Variants in RPF1 observed in about 807,000 individuals in gnomAD.
RPF1 encodes ribosome production factor 1 homolog.
In RPF1, 34 loss-of-function variants were observed where a neutral mutation model predicts 41.9. That is an observed-to-expected ratio of 0.81 (90% CI 0.62 to 1.08). The LOEUF (loss-of-function observed/expected upper bound fraction) is 1.08. Ranked by LOEUF, RPF1 falls within the 50% of genes least tolerant of loss-of-function variation. RPF1 has a pLI of 0.00. For missense variants in RPF1, 425 were observed against 435.2 expected (o/e 0.98, Z 0.21); for synonymous variants, 140 against 148.9 (o/e 0.94, Z 0.43).
In RPF1 at chr1:84,482,903, T is replaced by C; in HGVS notation, c.286-12T>C. On this transcript the variant is annotated splice_polypyrimidine_tract_variant and intron_variant, in intron 2 of 8. Coordinates refer to ENST00000370654, the MANE Select transcript of RPF1 (RefSeq NM_025065.7). ...AATCCTTCTAAAATGTAATCCCTTC[T>C]CTTTTACTTAGGCTCCACCAAAGCC... is the stretch of plus-strand genomic sequence containing the variant. 10 of 1,565,514 alleles carry C rather than the reference T, an allele frequency of 6.4e-6. No individual in the cohort carries two copies. The highest frequency in any genetic ancestry group is 8.8e-6 in the Non-Finnish European group (10 of 1,139,558).
rs1681980676 is a variant in RPF1, at chr1:84,498,223, T to C, written c.*753T>C. 1 of 152,558 alleles carries C rather than the reference T, an allele frequency of 6.6e-6. No homozygotes were observed. 9.5% of individuals were successfully genotyped at this position (152,558 alleles called of 1,614,324 possible). On this transcript the variant is annotated 3_prime_UTR_variant, in exon 9 of 9. Transcript: ENST00000370654. Reference sequence around the variant, plus strand: ...TTGCCAGATGTATGGCATAAAGTCATGTGAGAAGAGTAGGTGGAAAAAACT... The same window carrying C: ...TTGCCAGATGTATGGCATAAAGTCACGTGAGAAGAGTAGGTGGAAAAAACT...
chr1:84,489,689 T>A lies in RPF1; in HGVS notation c.423T>A (p.Ser141=). 6.2e-7 allele frequency: 1 copy of A among 1,608,980 alleles called. No homozygotes were observed. ...CTTCTTACTTCAACAAACAGACTTCTCCCAAGATTCTCATCACAACATCAG... is the reference window on the plus strand; with the variant it reads ...CTTCTTACTTCAACAAACAGACTTCACCCAAGATTCTCATCACAACATCAG... ...EFASYFNKQT[S]PKILITTSDR... is the part of the protein sequence containing the mutation. The change falls in exon 4 of 9, where the codon TCT becomes TCA. Residue 141 remains serine, a synonymous_variant. Coordinates refer to ENST00000370654, the MANE Select transcript of RPF1 (RefSeq NM_025065.7).
At chr1:84,496,401 C>T (rs902740479) in intron 8 of RPF1, 31 bp downstream of exon 8, 1 of 1,561,840 alleles carries the variant, frequency 6.4e-7, no homozygotes, top group Admixed American at 1.9e-5. Flanking sequence ...AAGACTAAGT[C>T]ATTTTTAAAG....
chr1:84,486,455 G>A (rs1480447929), intron 3 of RPF1, among the ~76,000 whole-genome samples: 1 of 151,958 alleles, frequency 6.6e-6, no homozygotes, highest in Non-Finnish European at 1.5e-5. Context: ...AGGTGTGGTG[G>A]CGGGCACCTG....
chr1:84,494,728 G>C (rs1333673335), intron 5 of RPF1, among the ~76,000 whole-genome samples: 1 of 152,208 alleles, frequency 6.6e-6, no homozygotes, highest in Non-Finnish European at 1.5e-5. Context: ...CATTTCATTT[G>C]TAGTTTAGCA....
chr1:84,488,190 T>C (rs1490986015), intron 3 of RPF1, among the ~76,000 whole-genome samples: 1 of 152,094 alleles, frequency 6.6e-6, no homozygotes, highest in Non-Finnish European at 1.5e-5. Context: ...AAATTATAAA[T>C]GGCACTAAAT....
intron 8 of RPF1, 87 bp downstream of exon 8, chr1:84,496,457 A>G: frequency 8.4e-7 from 1 of 1,187,980 alleles, no homozygotes; most frequent in South Asian, 1.5e-5. Context: ...GGAATAGCTA[A>G]TGGATGCTGG....
rs528529767 is a variant in RPF1, at chr1:84,493,633, T to G, written c.617-1740T>G. Reference sequence around the variant, plus strand: ...AAAAATTCCCATCCCTACCTAAGTTTTAACAGATTAGTTGGGAAGAAAGGT... The same window carrying G: ...AAAAATTCCCATCCCTACCTAAGTTGTAACAGATTAGTTGGGAAGAAAGGT... On this transcript the variant is annotated intron_variant, in intron 5 of 8. Coordinates refer to ENST00000370654, the MANE Select transcript of RPF1 (RefSeq NM_025065.7). Among the ~76,000 whole-genome samples, 102 of 152,162 alleles carry G rather than the reference T, an allele frequency of 6.7e-4. 4 individuals carry two copies. The highest frequency in any genetic ancestry group is 2.2e-3 in the African/African-American group (93 of 41,536).
intron 8 of RPF1, 116 bp downstream of exon 8, chr1:84,496,486 G>T (rs76188454): frequency 0.032 from 27,285 of 846,566 alleles, 602 homozygotes; most frequent in Admixed American, 0.087. Context: ...CCTAGGTGAT[G>T]AAATGATCTG....
chr1:84,488,060 T>TA (rs1223931781), intron 3 of RPF1, among the ~76,000 whole-genome samples: 1 of 152,096 alleles, frequency 6.6e-6, no homozygotes, highest in Non-Finnish European at 1.5e-5. Flanking sequence ...ATTAGTTAAT[T>TA]ATTTAGCTTC....
intron 3 of RPF1, among the ~76,000 whole-genome samples, chr1:84,484,683 CTTTT>C: frequency 7.1e-6 from 1 of 141,072 alleles, no homozygotes; most frequent in South Asian, 2.3e-4. Context: ...GACCAGAAGT[CTTTT>C]TTTTTTTTTT....
intron 5 of RPF1, 112 bp downstream of exon 5, chr1:84,490,584 T>A (rs2101885816): frequency 1.3e-6 from 1 of 779,190 alleles, no homozygotes; most frequent in Non-Finnish European, 1.9e-6. Context: ...ATAATTTTTT[T>A]ATCAGAAAAT....
intron 1 of RPF1, among the ~76,000 whole-genome samples, chr1:84,480,332 G>A (rs72948420): frequency 0.037 from 5,571 of 152,206 alleles, 353 homozygotes; most frequent in African/African-American, 0.13. Flanking sequence ...CTGGTGGATT[G>A]AGGATCAGTA....
At chr1:84,483,390 C>G (rs994226689) in intron 3 of RPF1, 4 of 167,298 alleles carry the variant, frequency 2.4e-5, no homozygotes, top group Non-Finnish European at 5.1e-5. Flanking sequence ...CCTCAGCCTC[C>G]TGAGTAGATG....
intron 3 of RPF1, among the ~76,000 whole-genome samples, chr1:84,483,976 T>TAC (rs1681697409): frequency 6.6e-6 from 1 of 152,114 alleles, no homozygotes; most frequent in East Asian, 1.9e-4. Context: ...CACATACACA[T>TAC]ACACACACAC....
At chr1:84,497,393 G>GT in intron 8 of RPF1, 36 bp from the exon 9 acceptor site, 1 of 1,576,162 alleles carries the variant, frequency 6.3e-7, no homozygotes, top group Non-Finnish European at 8.7e-7. Flanking sequence ...TTTTTGTTTT[G>GT]TTTTCTTCCT....
At chr1:84,493,065 T>C (rs2101886833) in intron 5 of RPF1, among the ~76,000 whole-genome samples, 1 of 152,324 alleles carries the variant, frequency 6.6e-6, no homozygotes, top group East Asian at 1.9e-4. Flanking sequence ...TCTTGCACAA[T>C]GCAGGTACAT....
chr1:84,483,806 G>A (rs1282257319), intron 3 of RPF1, among the ~76,000 whole-genome samples: 1 of 152,160 alleles, frequency 6.6e-6, no homozygotes, highest in Non-Finnish European at 1.5e-5. Flanking sequence ...ATGTCTGTTT[G>A]CTTTGAAACA....
intron 2 of RPF1, among the ~76,000 whole-genome samples, chr1:84,481,620 G>C (rs1681647259): frequency 6.6e-6 from 1 of 150,994 alleles, no homozygotes; most frequent in Non-Finnish European, 1.5e-5. Flanking sequence ...AGCAGATAAT[G>C]CATCAAGAAA....
Sources: gnomAD v4.1 joint callset for allele counts (sites outside exome capture counted in the v4.1 genomes callset) on GRCh38, gnomAD v4.1.1 for gene constraint, MANE v1.5 for transcripts, NCBI Gene and HGNC (gene_info 2026-07-23, HGNC 2026-07-21) for gene names.